The following ZNF236 variants were observed in gnomAD, a reference collection of about 807,000 sequenced individuals.
The protein encoded by ZNF236 is regulated by glucose.
A neutral mutation model predicts 191.2 loss-of-function variants in ZNF236; 50 were observed. The ratio of observed to expected loss-of-function variants is 0.26; its 90% CI spans 0.21 to 0.33. The LOEUF is 0.33. Ranked by LOEUF, ZNF236 falls within the 10% of genes least tolerant of loss-of-function variation. ZNF236 has a pLI of 1.00. For missense variants in ZNF236, 1,754 were observed against 2,374.5 expected (o/e 0.74, Z 5.43); for synonymous variants, 907 against 928.8 (o/e 0.98, Z 0.43).
chr18:76,878,013 A>G lies in ZNF236; in HGVS notation c.845A>G (p.Lys282Arg), dbSNP rs1172734451. The stretch of plus-strand genomic sequence containing the variant: ...TTTTCCTTTTTATTCTTTAAGGTCA[A>G]GAATGGTCCTACCTATAACTGTACA... ...SHVQRVHSEV[K>R]NGPTYNCTEC... Residue 282 changes from lysine to arginine, a missense_variant, in exon 7 of 31, where the codon AAG becomes AGG. By Grantham distance (26) the Lys-to-Arg change is conservative. This residue lies in a region of ZNF236 where 336 missense variants were observed against 495.1 expected (regional missense o/e 0.68). Coordinates refer to ENST00000320610, the MANE Select transcript of ZNF236 (RefSeq NM_001306089.2). 2.5e-6 allele frequency: 4 copies of G among 1,579,306 alleles called. No homozygotes were observed. Among genetic ancestry groups the G allele is most frequent in the Non-Finnish European group, 3.4e-6 (4 of 1,161,536 alleles).
intron 4 of ZNF236, among the ~76,000 whole-genome samples, chr18:76,871,011 C>T (rs912588734): frequency 6.6e-6 from 1 of 152,028 alleles, no homozygotes; most frequent in African/African-American, 2.4e-5. Context: ...ACTGGAGAGC[C>T]GAACCCGTTC....
At chr18:76,824,524 C>T (rs1291829353) in intron 1 of ZNF236, 3 of 768,380 alleles carry the variant, frequency 3.9e-6, no homozygotes, top group African/African-American at 1.7e-5. Flanking sequence ...TGGCCTTGAC[C>T]TTATTTCGTT....
chr18:76,969,657 C>T lies in ZNF236; in HGVS notation c.*1318C>T, dbSNP rs997474421. 5.3e-5 allele frequency: 8 copies of T among 152,146 alleles called. No individual in the cohort carries two copies. The highest frequency in any genetic ancestry group is 1.9e-4 in the East Asian group (1 of 5,182). 9.4% of individuals were successfully genotyped at this position (152,146 alleles called of 1,614,324 possible). ...AAAAATAATTGCCTTTATTTTCTCTCGTTGCCTCCTTGGTTTCAGAAGAGA... is the reference window on the plus strand; with the variant it reads ...AAAAATAATTGCCTTTATTTTCTCTTGTTGCCTCCTTGGTTTCAGAAGAGA... On this transcript the variant is annotated 3_prime_UTR_variant, in exon 31 of 31. Transcript: ENST00000320610.
chr18:76,830,456 G>A (rs973103437), intron 1 of ZNF236, among the ~76,000 whole-genome samples: 2 of 152,062 alleles, frequency 1.3e-5, no homozygotes, highest in Admixed American at 1.3e-4. Context: ...GTCGCCCAGT[G>A]ACAGTCCTGG....
In ZNF236 at chr18:76,927,822, A is replaced by G; in HGVS notation, c.4415-105A>G. On this transcript the variant is annotated intron_variant, in intron 24 of 30. Transcript: ENST00000320610. This position sits in a 1 kb window ranked among gnomAD's most constrained non-coding sequence, Gnocchi z 5.4. Reference sequence around the variant, plus strand: ...ATGCTTTGTTTTAAATCTTTGTCTTATTGAAATATGTAATAACAGTTTAAT... The same window carrying G: ...ATGCTTTGTTTTAAATCTTTGTCTTGTTGAAATATGTAATAACAGTTTAAT... The G allele has an allele frequency of 1.1e-6, 1 of 931,150 alleles. No individual in the cohort carries two copies. The highest frequency in any genetic ancestry group is 2.2e-5 in the South Asian group (1 of 45,150). The allele number at this position is 931,150 out of a possible 1,614,324, so 57.7% of individuals were successfully genotyped here. A position where few individuals can be genotyped will look rare whatever the true frequency, so the allele number is the denominator to read the frequency against.
chr18:76,888,875 G>A (rs574938624), intron 9 of ZNF236, among the ~76,000 whole-genome samples: 23 of 152,370 alleles, frequency 1.5e-4, no homozygotes, highest in African/African-American at 5.5e-4. Flanking sequence ...GGTCGTCCTT[G>A]TCCTCCTGAC....
intron 11 of ZNF236, among the ~76,000 whole-genome samples, chr18:76,902,779 C>T (rs543610908): frequency 3.3e-4 from 49 of 147,376 alleles, no homozygotes; most frequent in African/African-American, 1.1e-3. Context: ...TAAGTAGAGA[C>T]GGGGTTTCTG....
intron 1 of ZNF236, chr18:76,834,682 T>C: frequency 2.3e-6 from 1 of 434,050 alleles, no homozygotes; most frequent in Admixed American, 2.6e-5. Flanking sequence ...AAACCCAGAC[T>C]ACTTTGCCAG....
intron 3 of ZNF236, among the ~76,000 whole-genome samples, chr18:76,866,449 A>G (rs1976407538): frequency 6.6e-6 from 1 of 152,172 alleles, no homozygotes; most frequent in African/African-American, 2.4e-5. Flanking sequence ...GGGGATTCGG[A>G]GAAGGGGAAA....
chr18:76,971,574 T>C lies in ZNF236; in HGVS notation c.*3235T>C, dbSNP rs1430325779. Among the ~76,000 whole-genome samples the C allele has an allele frequency of 6.6e-6, 1 of 152,248 alleles. No individual in the cohort carries two copies. Among genetic ancestry groups the C allele is most frequent in the Non-Finnish European group, 1.5e-5 (1 of 68,040 alleles). On this transcript the variant is annotated 3_prime_UTR_variant, in exon 31 of 31. Coordinates refer to ENST00000320610, the MANE Select transcript of ZNF236 (RefSeq NM_001306089.2). ...TTATAGCTAGTGTTCTGTGTCTTCC[T>C]TTGAACTCATATCACATTTATTACA...
chr18:76,938,466 A>C (rs973708609), intron 26 of ZNF236, among the ~76,000 whole-genome samples: 1 of 152,204 alleles, frequency 6.6e-6, no homozygotes, highest in Non-Finnish European at 1.5e-5. Context: ...CTCACTGTAC[A>C]AGAAAAACAG....
intron 14 of ZNF236, among the ~76,000 whole-genome samples, chr18:76,909,413 G>A (rs1215535720): frequency 1.3e-5 from 2 of 151,790 alleles, no homozygotes; most frequent in African/African-American, 4.8e-5. Context: ...CATCTTTCAA[G>A]TGTACATCTG....
At chr18:76,897,443 A>G (rs1010284926) in intron 10 of ZNF236, among the ~76,000 whole-genome samples, 1 of 151,630 alleles carries the variant, frequency 6.6e-6, no homozygotes, top group Non-Finnish European at 1.5e-5. Context: ...ACTACACACA[A>G]GTACTGCCCA....
chr18:76,884,617 C>T (rs1440084064), intron 9 of ZNF236, among the ~76,000 whole-genome samples: 1 of 152,074 alleles, frequency 6.6e-6, no homozygotes, highest in Non-Finnish European at 1.5e-5. Context: ...TCTTGATGAC[C>T]TGGGGTCACT....
chr18:76,954,253 G>A (rs1029891384), intron 27 of ZNF236, among the ~76,000 whole-genome samples: 2 of 152,192 alleles, frequency 1.3e-5, no homozygotes, highest in Non-Finnish European at 2.9e-5. Context: ...TCGTGTGTTT[G>A]TTTGTCTTTC....
At chr18:76,935,896 T>G (rs370020336) in intron 25 of ZNF236, 1 of 449,862 alleles carries the variant, frequency 2.2e-6, no homozygotes, top group Non-Finnish European at 4.5e-6. Flanking sequence ...GGCGGGAGGG[T>G]CTGACCTAGC....
At chr18:76,894,445 AT>A (rs778028889) in intron 9 of ZNF236, among the ~76,000 whole-genome samples, 2 of 152,116 alleles carry the variant, frequency 1.3e-5, no homozygotes, top group Non-Finnish European at 2.9e-5. Context: ...TCAATTTGTG[AT>A]TTTTTTTCTA....
In ZNF236 at chr18:76,913,757, T is replaced by C; in HGVS notation, c.2920T>C (p.Cys974Arg). 6.2e-7 allele frequency: 1 copy of C among 1,614,172 alleles called. No homozygotes were observed. The highest frequency in any genetic ancestry group is 8.5e-7 in the Non-Finnish European group (1 of 1,179,994). ...ATGTTTGCTTTGTAGGTGTGACTAT[T>C]GCAACAAAGGCTTTAAGAAGTCCAG... is the stretch of plus-strand genomic sequence containing the variant. ...QSRRSYRCDYCNKGFKKSSHL... is the reference protein window; with the variant it reads ...QSRRSYRCDYRNKGFKKSSHL... The change falls in exon 18 of 31, where the codon TGC (cysteine) becomes CGC (arginine). Residue 974 changes from cysteine to arginine, a missense_variant. This residue lies in a region of ZNF236 where 641 missense variants were observed against 869.6 expected (regional missense o/e 0.74). Transcript: ENST00000320610.
At chr18:76,915,605 T>C (rs1377453180) in intron 18 of ZNF236, 42 bp from the exon 19 acceptor site, 2 of 1,595,430 alleles carry the variant, frequency 1.3e-6, no homozygotes, top group East Asian at 2.2e-5. Flanking sequence ...GGTAGTGAAA[T>C]AGGATTGGTT....
Sources: allele counts gnomAD v4.1 joint callset (sites outside exome capture counted in the v4.1 genomes callset), GRCh38; gene constraint gnomAD v4.1.1; regional missense constraint gnomAD v4.1.1; non-coding constraint Gnocchi (gnomAD v3.1); transcripts MANE v1.5; gene names NCBI Gene and HGNC (gene_info 2026-07-23, HGNC 2026-07-21).